The following KCNMA1 variants were observed in gnomAD, a reference collection of about 807,000 sequenced individuals.
KCNMA1 encodes Calcium-activated potassium channel subunit alpha-1.
KCNMA1 carries 29 observed loss-of-function variants against 140.0 expected under a neutral mutation model. The observed-to-expected ratio is 0.21, with a 90% CI of 0.15 to 0.28. The LOEUF is 0.28. KCNMA1 is among the 10% of genes least tolerant of loss of function. KCNMA1 has a pLI of 1.00. For synonymous variants in KCNMA1, 612 were observed against 611.9 expected (o/e 1.00, Z 0.00); for missense variants, 880 against 1,602.2 (o/e 0.55, Z 7.70).
At chr10:77,183,661 A>T (rs2098821074) in intron 4 of KCNMA1, 129 bp from the exon 5 acceptor site, 2 of 705,664 alleles carry the variant, frequency 2.8e-6, no homozygotes, top group South Asian at 3.1e-5. Context: ...TAATTTTTGT[A>T]TTTTTAGTAA....
chr10:77,414,688 A>T (rs2096698916), intron 1 of KCNMA1, among the ~76,000 whole-genome samples: 1 of 151,702 alleles, frequency 6.6e-6, no homozygotes. Context: ...TGGGGTTTCA[A>T]CATGTTGGAT....
At chr10:76,884,380 A>C (rs1027766717), downstream of KCNMA1, 7 of 152,184 alleles carry the variant, frequency 4.6e-5, no homozygotes, top group African/African-American at 1.7e-4. Context: ...TTGACAGAGA[A>C]GCAAGTTTGC....
chr10:77,302,920 A>T (rs2076870978), intron 2 of KCNMA1, among the ~76,000 whole-genome samples: 1 of 151,956 alleles, frequency 6.6e-6, no homozygotes, highest in South Asian at 2.1e-4. Flanking sequence ...TCAGACTTTA[A>T]ACTGGCTTTG....
At chr10:77,493,022 C>A (rs948108209) in intron 1 of KCNMA1, among the ~76,000 whole-genome samples, 3 of 152,216 alleles carry the variant, frequency 2.0e-5, no homozygotes, top group Non-Finnish European at 4.4e-5. Context: ...TAGCTGAACA[C>A]AAGTCTAAGT....
At chr10:77,053,567 A>C (rs1347202637) in intron 14 of KCNMA1, among the ~76,000 whole-genome samples, 1 of 152,166 alleles carries the variant, frequency 6.6e-6, no homozygotes, top group Non-Finnish European at 1.5e-5. Context: ...ATCTCACCAC[A>C]AAGAGCTCCA....
At chr10:77,246,695 C>T (rs2058608877) in intron 3 of KCNMA1, among the ~76,000 whole-genome samples, 1 of 152,202 alleles carries the variant, frequency 6.6e-6, no homozygotes, top group African/African-American at 2.4e-5. Flanking sequence ...AGCATTATCA[C>T]ATTTGAAGAT....
At chr10:77,331,540 A>G (rs1164052383) in intron 2 of KCNMA1, among the ~76,000 whole-genome samples, 1 of 152,082 alleles carries the variant, frequency 6.6e-6, no homozygotes, top group Admixed American at 6.6e-5. Context: ...ACAATGGGCC[A>G]GGCACAGTGG....
At chr10:77,086,652 A>T (rs2096698407) in intron 10 of KCNMA1, 59 bp from the exon 11 acceptor site, 9 of 1,186,956 alleles carry the variant, frequency 7.6e-6, no homozygotes. Context: ...TTCAGCCTCC[A>T]TGGGCTCCTT....
chr10:76,984,069 TA>T (rs2080436861), intron 19 of KCNMA1, among the ~76,000 whole-genome samples: 1 of 152,210 alleles, frequency 6.6e-6, no homozygotes, highest in African/African-American at 2.4e-5. Context: ...AAAGTCTTCC[TA>T]AAAAACAGAA....
In KCNMA1 at chr10:76,885,398, A is replaced by T. The variant is rs1234062660; in HGVS notation, c.*1868T>A. 1 of 985,060 alleles carries T rather than the reference A, an allele frequency of 1.0e-6. No individual in the cohort carries two copies. Among genetic ancestry groups the T allele is most frequent in the Non-Finnish European group, 1.2e-6 (1 of 829,844 alleles). The allele number at this position is 985,060 out of a possible 1,614,324, so 61.0% of individuals were successfully genotyped here. A position where few individuals can be genotyped will look rare whatever the true frequency, so the allele number is the denominator to read the frequency against. ...ATTCCCCACCACAATACTGGTTTGA[A>T]TACTACGCTGCCCCTGTCTTTGGTG... On this transcript the variant is annotated 3_prime_UTR_variant, in exon 28 of 28. Transcript: ENST00000286628.
intron 1 of KCNMA1, among the ~76,000 whole-genome samples, chr10:77,607,387 T>C (rs1206000081): frequency 6.6e-6 from 1 of 152,150 alleles, no homozygotes; most frequent in Non-Finnish European, 1.5e-5. Flanking sequence ...GGCTGAATCA[T>C]GGCCCTAGAA....
intron 1 of KCNMA1, among the ~76,000 whole-genome samples, chr10:77,468,143 G>T (rs2098073361): frequency 6.6e-6 from 1 of 152,174 alleles, no homozygotes; most frequent in Admixed American, 6.5e-5. Context: ...AAGTAGCTGG[G>T]ACTACAGATG....
chr10:77,358,370 T>C (rs1412451523), intron 2 of KCNMA1, among the ~76,000 whole-genome samples: 2 of 152,124 alleles, frequency 1.3e-5, no homozygotes, highest in Non-Finnish European at 2.9e-5. Context: ...GTAGATATTA[T>C]TAAATATGTC....
intron 1 of KCNMA1, among the ~76,000 whole-genome samples, chr10:77,556,644 A>T (rs954470962): frequency 6.6e-6 from 1 of 152,134 alleles, no homozygotes; most frequent in Admixed American, 6.5e-5. Context: ...ATCTGGTGGA[A>T]GCCAGGACTC....
chr10:77,157,334 C>T (rs1163311944), intron 5 of KCNMA1, among the ~76,000 whole-genome samples: 3 of 152,048 alleles, frequency 2.0e-5, no homozygotes, highest in East Asian at 1.9e-4. Flanking sequence ...CCCAGCTACT[C>T]GGGAGGCTAG....
intron 25 of KCNMA1, among the ~76,000 whole-genome samples, chr10:76,908,344 A>G (rs2048642067): frequency 6.6e-6 from 1 of 152,226 alleles, no homozygotes; most frequent in African/African-American, 2.4e-5. Context: ...AAACCAAGGG[A>G]GCCCTTTTCC....
chr10:77,629,706 G>C (rs2092959234), intron 1 of KCNMA1, among the ~76,000 whole-genome samples: 1 of 152,138 alleles, frequency 6.6e-6, no homozygotes, highest in Non-Finnish European at 1.5e-5. Context: ...TAACAAGCAG[G>C]GAGTCAGAAC....
At chr10:77,260,810 A>C (rs2061802410) in intron 2 of KCNMA1, among the ~76,000 whole-genome samples, 2 of 152,178 alleles carry the variant, frequency 1.3e-5, no homozygotes, top group South Asian at 4.1e-4. Context: ...AACAGATTCA[A>C]CTGAGGTGGC....
intron 1 of KCNMA1, among the ~76,000 whole-genome samples, chr10:77,542,934 C>T (rs138366758): frequency 2.4e-3 from 364 of 152,234 alleles, no homozygotes; most frequent in African/African-American, 8.3e-3. Flanking sequence ...TGACTTAATA[C>T]GGAGAGAGTT....
Sources: allele counts gnomAD v4.1 joint callset (sites outside exome capture counted in the v4.1 genomes callset), GRCh38; gene constraint gnomAD v4.1.1; transcripts MANE v1.5; gene names NCBI Gene and HGNC (gene_info 2026-07-23, HGNC 2026-07-21).